The following PRKCB variants were observed in gnomAD, a reference collection of about 807,000 sequenced individuals.
PRKCB encodes the protein protein kinase C beta type.
A neutral mutation model predicts 81.5 loss-of-function variants in PRKCB; 13 were observed. The ratio of observed to expected loss-of-function variants is 0.16; its 90% CI spans 0.10 to 0.25. The LOEUF (loss-of-function observed/expected upper bound fraction) is 0.25. PRKCB is among the 10% of genes least tolerant of loss of function. PRKCB has a pLI of 1.00. For synonymous variants in PRKCB, 335 were observed against 321.4 expected (o/e 1.04, Z -0.45); for missense variants, 509 against 875.7 (o/e 0.58, Z 5.29).
At chr16:24,039,395 A>AT (rs113105832) in intron 5 of PRKCB, among the ~76,000 whole-genome samples, 26,455 of 151,512 alleles carry the variant, frequency 0.17, 2,537 homozygotes, top group Middle Eastern at 0.26. Context: ...TGCCCAGCTG[A>AT]TTTTTTTTAT....
chr16:24,137,964 A>G (rs757394865), intron 9 of PRKCB, among the ~76,000 whole-genome samples: 3 of 152,172 alleles, frequency 2.0e-5, no homozygotes, highest in African/African-American at 4.8e-5. Context: ...TTTTTGGAGC[A>G]CTGGGAACTC....
intron 12 of PRKCB, among the ~76,000 whole-genome samples, chr16:24,178,162 A>G (rs1967563756): frequency 6.6e-6 from 1 of 152,192 alleles, no homozygotes; most frequent in African/African-American, 2.4e-5. Context: ...TCTTTAAGGA[A>G]CTGGAGATGT....
chr16:23,977,887 A>T (rs149663266), intron 2 of PRKCB, among the ~76,000 whole-genome samples: 1 of 152,020 alleles, frequency 6.6e-6, no homozygotes, highest in African/African-American at 2.4e-5. Context: ...CTCAGCTGCA[A>T]TGAGTGGTTT....
At chr16:24,213,676 A>G (rs1968181305) in intron 16 of PRKCB, among the ~76,000 whole-genome samples, 1 of 152,256 alleles carries the variant, frequency 6.6e-6, no homozygotes, top group Admixed American at 6.5e-5. Flanking sequence ...TTGAAAACAC[A>G]TAGAGCTTTT....
At chr16:23,883,477 G>A (rs893904942) in intron 2 of PRKCB, among the ~76,000 whole-genome samples, 1 of 152,122 alleles carries the variant, frequency 6.6e-6, no homozygotes, top group Non-Finnish European at 1.5e-5. Flanking sequence ...AAGTGCAGTG[G>A]GAAGCCACTG....
intron 2 of PRKCB, chr16:23,869,296 A>G: frequency 3.2e-6 from 1 of 315,274 alleles, no homozygotes; most frequent in East Asian, 8.7e-5. Context: ...TGGGATGGAA[A>G]AGACACAGGA....
Position 24,045,278 on chromosome 16 carries a change from G to A in PRKCB, c.529+9731G>A, listed in dbSNP as rs1174338751. Among the ~76,000 whole-genome samples the A allele has an allele frequency of 3.9e-5, 6 of 152,304 alleles. No homozygotes were observed. The East Asian group carries it at 1.2e-3, about 29-fold the overall frequency. On this transcript the variant is annotated intron_variant, in intron 5 of 16. Transcript: ENST00000643927. ...TGGTTCTCAGCTTGAGCAGAGCTGG[G>A]CCCAGGCCCTGTCTGGGTATTTTTG... is the stretch of plus-strand genomic sequence containing the variant.
At chr16:23,837,494 T>G (rs1244503940) in intron 2 of PRKCB, 88 bp downstream of exon 2, 17 of 1,503,908 alleles carry the variant, frequency 1.1e-5, no homozygotes, top group Non-Finnish European at 1.0e-5. Context: ...AGGCAGAGAG[T>G]GAAAGAATCA....
intron 2 of PRKCB, among the ~76,000 whole-genome samples, chr16:23,959,233 G>A (rs571724904): frequency 2.6e-5 from 4 of 152,232 alleles, no homozygotes; most frequent in Admixed American, 6.5e-5. Flanking sequence ...GCTGTGCGCC[G>A]AGCTGTATAT....
rs74538063 is a variant in PRKCB, at chr16:24,048,921, T to C, written c.529+13374T>C. On this transcript the variant is annotated intron_variant, in intron 5 of 16. Coordinates refer to ENST00000643927, the MANE Select transcript of PRKCB (RefSeq NM_002738.7). Reference sequence around the variant, plus strand: ...CATTATATGGTGAGGAAACTGAGACTTTGCTTCATATGACTCCATTTTCCC... The same window carrying C: ...CATTATATGGTGAGGAAACTGAGACCTTGCTTCATATGACTCCATTTTCCC... Among the ~76,000 whole-genome samples the C allele has an allele frequency of 5.3e-4, 81 of 152,260 alleles. 2 individuals carry two copies. The highest frequency in any genetic ancestry group is 4.6e-3 in the East Asian group (24 of 5,186).
At chr16:23,973,965 C>G (rs2141805450) in intron 2 of PRKCB, among the ~76,000 whole-genome samples, 1 of 152,276 alleles carries the variant, frequency 6.6e-6, no homozygotes, top group South Asian at 2.1e-4. Context: ...GGCACTCTGA[C>G]CAGCTGGAAA....
intron 2 of PRKCB, among the ~76,000 whole-genome samples, chr16:23,972,144 G>A (rs543802973): frequency 2.7e-4 from 41 of 152,270 alleles, no homozygotes; most frequent in African/African-American, 5.8e-4. Flanking sequence ...GTGCATGCGC[G>A]AGTCTCAAAA....
At chr16:23,982,026 CCCTTT>C (rs1964730242) in intron 2 of PRKCB, among the ~76,000 whole-genome samples, 1 of 114,796 alleles carries the variant, frequency 8.7e-6, no homozygotes, top group African/African-American at 3.5e-5. Context: ...CCTTCCACTT[CCCTTT>C]CCCTTCACCT....
chr16:24,025,431 C>T (rs1235096868), intron 3 of PRKCB, among the ~76,000 whole-genome samples: 1 of 152,066 alleles, frequency 6.6e-6, no homozygotes, highest in Non-Finnish European at 1.5e-5. Context: ...TAAAATAGTC[C>T]CTGGCATGAA....
chr16:24,013,487 C>A (rs533644580), intron 3 of PRKCB, among the ~76,000 whole-genome samples: 1 of 152,084 alleles, frequency 6.6e-6, no homozygotes, highest in Non-Finnish European at 1.5e-5. Context: ...TAGGAATAGT[C>A]AAAAACCTGT....
chr16:24,031,442 A>C (rs1965550426), intron 3 of PRKCB, among the ~76,000 whole-genome samples: 3 of 152,182 alleles, frequency 2.0e-5, no homozygotes, highest in African/African-American at 7.2e-5. Flanking sequence ...TTCCATTTGA[A>C]GGGAATGGCC....
chr16:24,112,195 C>T (rs1002432602), intron 7 of PRKCB, among the ~76,000 whole-genome samples: 1 of 152,186 alleles, frequency 6.6e-6, no homozygotes, highest in Non-Finnish European at 1.5e-5. Flanking sequence ...GGCAAAGTGG[C>T]ACCCTATGCA....
chr16:24,039,059 G>A (rs746945102), intron 5 of PRKCB, among the ~76,000 whole-genome samples: 9 of 152,086 alleles, frequency 5.9e-5, no homozygotes, highest in Non-Finnish European at 1.3e-4. Context: ...TTTCTAAGAG[G>A]AAGAAGAAAG....
Position 24,214,956 on chromosome 16 carries a change from C to G in PRKCB, c.*140C>G. On this transcript the variant is annotated 3_prime_UTR_variant, in exon 17 of 17. Coordinates refer to ENST00000643927, the MANE Select transcript of PRKCB (RefSeq NM_002738.7). ...ACTAGAGTGACAGTGTTTCAGAACC[C>G]AAATGTCCTCAGGTAGTTTGGAGCA... 6.7e-7 allele frequency: 1 copy of G among 1,485,586 alleles called. No homozygotes were observed. The highest frequency in any genetic ancestry group is 1.4e-5 in the South Asian group (1 of 72,606). The allele number at this position is 1,485,586 out of a possible 1,614,324, so 92.0% of individuals were successfully genotyped here.
Sources: gnomAD v4.1 joint callset for allele counts (sites outside exome capture counted in the v4.1 genomes callset) on GRCh38, gnomAD v4.1.1 for gene constraint, MANE v1.5 for transcripts, NCBI Gene and HGNC (gene_info 2026-07-23, HGNC 2026-07-21) for gene names.